PPP2R5E: variants seen among roughly 807,000 people sequenced by gnomAD.
PPP2R5E encodes the protein protein phosphatase 2 regulatory subunit B'epsilon.
A neutral mutation model predicts 65.3 loss-of-function variants in PPP2R5E; 4 were observed. The observed-to-expected ratio is 0.06, with a 90% CI of 0.03 to 0.14. PPP2R5E has a LOEUF of 0.14. Among genes scored for constraint, PPP2R5E ranks in the 10% least tolerant of loss-of-function variants. The probability of loss-of-function intolerance (pLI) is 1.00; values close to 1 mark genes in which losing one functional copy is unlikely to be tolerated. For missense variants in PPP2R5E, 274 were observed against 556.1 expected (o/e 0.49, Z 5.10); for synonymous variants, 183 against 187.4 (o/e 0.98, Z 0.19).
rs1555353663 is a variant in PPP2R5E, at chr14:63,374,632, A to AAGAT, written c.*1373_*1376dup. 2 of 48,054 alleles carry AAGAT rather than the reference A, an allele frequency of 4.2e-5. No individual in the cohort carries two copies. Among genetic ancestry groups the AAGAT allele is most frequent in the African/African-American group, 4.7e-4 (2 of 4,236 alleles). The allele number at this position is 48,054 out of a possible 1,614,324, so 3.0% of individuals were successfully genotyped here. On this transcript the variant is annotated 3_prime_UTR_variant, in exon 14 of 14. Coordinates refer to ENST00000337537, the MANE Select transcript of PPP2R5E (RefSeq NM_006246.5). ...TTTAAATACAAAGCAGAGAGCCAATAAGATATATATATATATATATATATA... is the reference window on the plus strand; with the variant it reads ...TTTAAATACAAAGCAGAGAGCCAATAAGATAGATATATATATATATATATATATA...
intron 5 of PPP2R5E, among the ~76,000 whole-genome samples, chr14:63,413,465 G>A (rs1886514295): frequency 6.6e-6 from 1 of 152,156 alleles, no homozygotes; most frequent in Admixed American, 6.5e-5. Context: ...ACGGCATGAT[G>A]GACAGAAATC....
intron 2 of PPP2R5E, among the ~76,000 whole-genome samples, chr14:63,519,009 G>A (rs1453305424): frequency 2.0e-5 from 3 of 152,126 alleles, no homozygotes; most frequent in East Asian, 1.9e-4. Context: ...ATCTGAGGTC[G>A]GGAGTTCGAG....
At chr14:63,390,691 G>T (rs549386090) in intron 10 of PPP2R5E, among the ~76,000 whole-genome samples, 7 of 152,276 alleles carry the variant, frequency 4.6e-5, no homozygotes, top group Non-Finnish European at 1.0e-4. Flanking sequence ...GAGAAGGAAG[G>T]CGTTTCTGCT....
Position 63,539,519 on chromosome 14 carries a change from T to C in PPP2R5E, c.157+10A>G, listed in dbSNP as rs566348263. 2 of 1,611,756 alleles carry C rather than the reference T, an allele frequency of 1.2e-6. No homozygotes were observed. Among genetic ancestry groups the C allele is most frequent in the Non-Finnish European group, 1.7e-6 (2 of 1,178,772 alleles). ...TGAAAAAGAATGCATCACCTGGTCA[T>C]GAGCCTTACCTTTTAGCAGCGGCAG... On this transcript the variant is annotated intron_variant, in intron 2 of 13. Coordinates refer to ENST00000337537, the MANE Select transcript of PPP2R5E (RefSeq NM_006246.5).
intron 2 of PPP2R5E, among the ~76,000 whole-genome samples, chr14:63,457,607 C>T (rs921068014): frequency 1.3e-5 from 2 of 152,124 alleles, no homozygotes; most frequent in African/African-American, 2.4e-5. Context: ...TGGATGCTTC[C>T]GTCACCTATC....
In PPP2R5E at chr14:63,430,377, GCATA is replaced by G. The variant is rs60123490; in HGVS notation, c.355-8287_355-8284del. ...TACATACATACATACATACATGCATGCATACATACATACATACATACATGCATAC... is the reference window on the plus strand; with the variant it reads ...TACATACATACATACATACATGCATGCATACATACATACATACATGCATAC... On this transcript the variant is annotated intron_variant, in intron 3 of 13. Transcript: ENST00000337537. Among the ~76,000 whole-genome samples, 130 of 137,002 alleles carry G rather than the reference GCATA, an allele frequency of 9.5e-4. 1 individual carries two copies. The highest frequency in any genetic ancestry group is 7.4e-3 in the East Asian group (32 of 4,306). The allele number at this position is 137,002 out of a possible 152,430, so 89.9% of individuals were successfully genotyped here.
chr14:63,433,365 C>A (rs866813292), intron 3 of PPP2R5E, among the ~76,000 whole-genome samples: 1 of 152,038 alleles, frequency 6.6e-6, no homozygotes, highest in African/African-American at 2.4e-5. Flanking sequence ...TCTGTGGGTA[C>A]AACATGGCAC....
At chr14:63,494,499 T>C (rs1891440282) in intron 2 of PPP2R5E, among the ~76,000 whole-genome samples, 1 of 150,410 alleles carries the variant, frequency 6.6e-6, no homozygotes, top group Non-Finnish European at 1.5e-5. Flanking sequence ...CCTCCCAAAG[T>C]GCTGGGATTA....
intron 3 of PPP2R5E, among the ~76,000 whole-genome samples, chr14:63,426,650 G>C (rs1019270311): frequency 1.4e-5 from 2 of 142,734 alleles, no homozygotes; most frequent in Non-Finnish European, 3.0e-5. Context: ...GACTACTGCT[G>C]TCAAGCGAGA....
At chr14:63,380,523 G>C (rs1379950292) in intron 13 of PPP2R5E, among the ~76,000 whole-genome samples, 1 of 152,018 alleles carries the variant, frequency 6.6e-6, no homozygotes, top group Non-Finnish European at 1.5e-5. Flanking sequence ...TTAGCCAGGC[G>C]TGGTGGCGGG....
intron 4 of PPP2R5E, among the ~76,000 whole-genome samples, chr14:63,419,548 G>A (rs1886887690): frequency 6.6e-6 from 1 of 152,166 alleles, no homozygotes; most frequent in Admixed American, 6.5e-5. Context: ...CACTGAAAAT[G>A]GAAAGGTGGC....
At chr14:63,399,359 T>C (rs1885601657) in intron 5 of PPP2R5E, among the ~76,000 whole-genome samples, 1 of 134,640 alleles carries the variant, frequency 7.4e-6, no homozygotes, top group Non-Finnish European at 1.5e-5. Context: ...TAGGTCTGGA[T>C]TTCTTTCTTT....
chr14:63,423,422 G>T (rs2139892142), intron 3 of PPP2R5E, among the ~76,000 whole-genome samples: 1 of 152,216 alleles, frequency 6.6e-6, no homozygotes, highest in Admixed American at 6.5e-5. Context: ...ATAGTAAAAT[G>T]TTTATGTTTT....
At chr14:63,449,735 C>G (rs1888703004) in intron 3 of PPP2R5E, among the ~76,000 whole-genome samples, 1 of 129,284 alleles carries the variant, frequency 7.7e-6, no homozygotes, top group South Asian at 2.9e-4. Flanking sequence ...CCCTATGTAC[C>G]TCTTAGCACC....
chr14:63,541,097 ACTAT>A (rs1893883431), intron 1 of PPP2R5E, among the ~76,000 whole-genome samples: 3 of 152,336 alleles, frequency 2.0e-5, no homozygotes, highest in East Asian at 1.9e-4. Context: ...TACTACTGAA[ACTAT>A]CTAGGCATAA....
chr14:63,417,081 A>G (rs1422111588), intron 4 of PPP2R5E, among the ~76,000 whole-genome samples: 1 of 152,216 alleles, frequency 6.6e-6, no homozygotes, highest in Non-Finnish European at 1.5e-5. Flanking sequence ...CTAAAATCCA[A>G]TCATCTGTCT....
At chr14:63,481,268 G>A (rs1013700050) in intron 2 of PPP2R5E, among the ~76,000 whole-genome samples, 13 of 151,998 alleles carry the variant, frequency 8.6e-5, no homozygotes, top group Non-Finnish European at 1.5e-4. Flanking sequence ...AGGCCGAGGC[G>A]GGTGAATCAC....
intron 3 of PPP2R5E, among the ~76,000 whole-genome samples, chr14:63,437,462 C>T (rs957893550): frequency 2.0e-5 from 3 of 152,218 alleles, no homozygotes; most frequent in African/African-American, 7.2e-5. Flanking sequence ...CAACTACTCT[C>T]ACTTTACAGA....
intron 1 of PPP2R5E, among the ~76,000 whole-genome samples, chr14:63,540,883 A>C (rs1893873673): frequency 6.6e-6 from 1 of 152,260 alleles, no homozygotes; most frequent in Non-Finnish European, 1.5e-5. Flanking sequence ...ATCTAGGCTT[A>C]AAGAAATCTA....
Sources: allele counts gnomAD v4.1 joint callset (sites outside exome capture counted in the v4.1 genomes callset), GRCh38; gene constraint gnomAD v4.1.1; transcripts MANE v1.5; gene names NCBI Gene and HGNC (gene_info 2026-07-23, HGNC 2026-07-21).